LCLAT1: variants seen among roughly 807,000 people sequenced by gnomAD.
LCLAT1 encodes lysocardiolipin acyltransferase 1, also known as 1-AGP acyltransferase 8.
In LCLAT1, 11 loss-of-function variants were observed where a neutral mutation model predicts 30.7. The observed-to-expected ratio is 0.36, with a 90% CI of 0.23 to 0.59. The LOEUF (loss-of-function observed/expected upper bound fraction) is 0.59. LCLAT1 is among the 20% of genes least tolerant of loss of function. The pLI is 0.77. For missense variants in LCLAT1, 402 were observed against 458.6 expected, an observed-to-expected ratio of 0.88 and a Z score of 1.13; for synonymous variants, 155 against 151.3, an observed-to-expected ratio of 1.02 and a Z score of -0.18.
chr2:30,630,358 C>A, intron 5 of LCLAT1, among the ~76,000 whole-genome samples: 1 of 152,324 alleles, frequency 6.6e-6, no homozygotes, highest in Middle Eastern at 3.4e-3. Context: ...ACAATATCCA[C>A]TTCCATAGGT....
At chr2:30,594,309 AT>A (rs1666826002) in intron 5 of LCLAT1, among the ~76,000 whole-genome samples, 2 of 152,076 alleles carry the variant, frequency 1.3e-5, no homozygotes, top group African/African-American at 4.8e-5. Flanking sequence ...TAATGGGAAA[AT>A]TTTCAAACGT....
chr2:30,552,240 A>G (rs184079670), intron 3 of LCLAT1, among the ~76,000 whole-genome samples: 14 of 152,306 alleles, frequency 9.2e-5, no homozygotes, highest in African/African-American at 3.1e-4. Flanking sequence ...GGTCTCTCTC[A>G]TGTTAACATG....
At chr2:30,499,764 C>A (rs1008874751) in intron 1 of LCLAT1, among the ~76,000 whole-genome samples, 1 of 152,174 alleles carries the variant, frequency 6.6e-6, no homozygotes, top group Admixed American at 6.5e-5. Context: ...ACTTTAAAAA[C>A]ATCCTGCAAG....
intron 1 of LCLAT1, among the ~76,000 whole-genome samples, chr2:30,461,296 G>A (rs574285940): frequency 6.6e-6 from 1 of 152,258 alleles, no homozygotes; most frequent in East Asian, 1.9e-4. Context: ...AGTGCAGTGT[G>A]CTTACCCTTT....
At chr2:30,486,084 C>G (rs1683544801) in intron 1 of LCLAT1, among the ~76,000 whole-genome samples, 1 of 151,962 alleles carries the variant, frequency 6.6e-6, no homozygotes, top group Admixed American at 6.6e-5. Flanking sequence ...ATTTCCAAAG[C>G]AATACAGGCT....
At chr2:30,542,380 T>C (rs1664182543) in intron 3 of LCLAT1, among the ~76,000 whole-genome samples, 1 of 152,174 alleles carries the variant, frequency 6.6e-6, no homozygotes, top group African/African-American at 2.4e-5. Flanking sequence ...ATGATTATTT[T>C]TTTCCTATAC....
intron 1 of LCLAT1, among the ~76,000 whole-genome samples, chr2:30,464,200 T>C (rs1682309840): frequency 6.6e-6 from 1 of 150,848 alleles, no homozygotes; most frequent in African/African-American, 2.4e-5. Context: ...TTTCTTTCCC[T>C]TTTTTTTTAG....
intron 1 of LCLAT1, among the ~76,000 whole-genome samples, chr2:30,455,887 G>T (rs1468462349): frequency 7.0e-6 from 1 of 143,216 alleles, no homozygotes; most frequent in Non-Finnish European, 1.5e-5. Flanking sequence ...TCCAGCCTGG[G>T]TGACGGAGTG....
At chr2:30,597,408 G>T (rs2609929) in intron 5 of LCLAT1, among the ~76,000 whole-genome samples, 10,738 of 152,148 alleles carry the variant, frequency 0.071, 424 homozygotes, top group East Asian at 0.087. Context: ...TGTATCAGTT[G>T]TGAATGGGAA....
intron 1 of LCLAT1, among the ~76,000 whole-genome samples, chr2:30,449,030 A>G (rs543192587): frequency 6.6e-6 from 1 of 152,184 alleles, no homozygotes; most frequent in East Asian, 1.9e-4. Context: ...ATATGTGCCA[A>G]CTCAGTCATC....
chr2:30,613,911 C>G (rs1198478661), intron 5 of LCLAT1, among the ~76,000 whole-genome samples: 1 of 13,152 alleles, frequency 7.6e-5, no homozygotes, highest in Non-Finnish European at 1.2e-4. Context: ...GGTTTTATAC[C>G]GAGACATTCC....
chr2:30,544,175 A>G (rs1292960794), intron 3 of LCLAT1, among the ~76,000 whole-genome samples: 4 of 152,142 alleles, frequency 2.6e-5, no homozygotes, highest in Admixed American at 2.6e-4. Context: ...CCACAAGTGA[A>G]CATGAGCTCC....
chr2:30,484,684 C>T (rs1206974392), intron 1 of LCLAT1, among the ~76,000 whole-genome samples: 1 of 152,090 alleles, frequency 6.6e-6, no homozygotes, highest in Non-Finnish European at 1.5e-5. Context: ...TGTTAGCCAT[C>T]AAATTTTAAT....
intron 5 of LCLAT1, among the ~76,000 whole-genome samples, chr2:30,602,019 G>A (rs1190587876): frequency 6.6e-6 from 1 of 152,056 alleles, no homozygotes; most frequent in Non-Finnish European, 1.5e-5. Context: ...ATGATGAGGG[G>A]AAGAGGCATT....
chr2:30,541,439 G>A (rs1437187932), intron 3 of LCLAT1, among the ~76,000 whole-genome samples: 1 of 117,880 alleles, frequency 8.5e-6, no homozygotes, highest in Non-Finnish European at 2.1e-5. Flanking sequence ...AGGAGAAAGA[G>A]ACTTCTTGTT....
chr2:30,642,118 T>A lies in LCLAT1; in HGVS notation c.*1499T>A, dbSNP rs1669344654. The A allele has an allele frequency of 1.3e-5, 2 of 152,172 alleles. No individual in the cohort carries two copies. The highest frequency in any genetic ancestry group is 4.8e-5 in the African/African-American group (2 of 41,442). 9.4% of individuals were successfully genotyped at this position (152,172 alleles called of 1,614,324 possible). On this transcript the variant is annotated 3_prime_UTR_variant, in exon 6 of 6. Transcript: ENST00000379509. ...TGCTTGACAGTGACCTACCCAATAA[T>A]TGCATCGTGCATTGCCATGAAAGGT...
intron 3 of LCLAT1, among the ~76,000 whole-genome samples, chr2:30,555,040 C>T (rs116006655): frequency 6.6e-6 from 1 of 151,990 alleles, no homozygotes; most frequent in Admixed American, 6.6e-5. Flanking sequence ...AAGTTCCATA[C>T]CTAGACTAAC....
At chr2:30,469,020 T>G (rs1682627708) in intron 1 of LCLAT1, among the ~76,000 whole-genome samples, 1 of 152,232 alleles carries the variant, frequency 6.6e-6, no homozygotes, top group South Asian at 2.1e-4. Flanking sequence ...TTGAGTAGCT[T>G]TTCTTATGCT....
chr2:30,554,504 G>A (rs1389604453), intron 3 of LCLAT1, among the ~76,000 whole-genome samples: 1 of 152,042 alleles, frequency 6.6e-6, no homozygotes, highest in Admixed American at 6.5e-5. Flanking sequence ...TTTAAAATCT[G>A]GTTTTACCAC....
Sources: allele counts gnomAD v4.1 joint callset (sites outside exome capture counted in the v4.1 genomes callset), GRCh38; gene constraint gnomAD v4.1.1; transcripts MANE v1.5; gene names NCBI Gene and HGNC (gene_info 2026-07-23, HGNC 2026-07-21).